The following CDHR2 variants were observed in gnomAD, a reference collection of about 807,000 sequenced individuals.
CDHR2 encodes the protein cadherin related family member 2.
Under a neutral mutation model 138.6 loss-of-function variants are expected in CDHR2, and 104 were observed. The ratio of observed to expected loss-of-function variants is 0.75; its 90% confidence interval spans 0.64 to 0.88. The LOEUF is 0.88. Among genes scored for constraint, CDHR2 ranks in the 40% least tolerant of loss-of-function variants. The pLI, the probability that CDHR2 is intolerant of heterozygous loss-of-function variation, is 0.00. For missense variants in CDHR2, 1,624 were observed against 1,727.6 expected (o/e 0.94, Z 1.06); for synonymous variants, 755 against 742.8 (o/e 1.02, Z -0.27).
intron 16 of CDHR2, 56 bp downstream of exon 16, chr5:176,578,664 C>A: frequency 6.3e-7 from 1 of 1,593,574 alleles, no homozygotes; most frequent in South Asian, 1.1e-5. Context: ...CAAGCCTGCT[C>A]TGTGGGCATG....
chr5:176,595,856 G>T, downstream of CDHR2: 1 of 555,424 alleles, frequency 1.8e-6, no homozygotes, highest in Non-Finnish European at 2.9e-6. Flanking sequence ...GCCAAAAACT[G>T]CGGCTGGAGG....
Position 176,568,817 on chromosome 5 carries a change from G to C in CDHR2, c.264G>C (p.Glu88Asp). The stretch of plus-strand genomic sequence containing the variant: ...AGCTGGCCAGCGCTCTGGACTACGA[G>C]GTAAAGAGCATCAGCCGGAGAGGGC... ...EVKLASALDYETLYTFKVTIS... is the reference protein window; with the variant it reads ...EVKLASALDYDTLYTFKVTIS... The change falls in exon 4 of 32, where the codon GAG becomes GAC. Residue 88 changes from glutamate (E) to aspartate (D), a missense_variant and splice_region_variant. Physicochemically the swap from Glu to Asp is conservative, Grantham distance 45. Around this residue, in one of 3 missense-constraint regions of CDHR2, gnomAD observed 1,061 missense variants for 1,136.6 expected, o/e 0.93. Coordinates refer to ENST00000261944, the MANE Select transcript of CDHR2 (RefSeq NM_017675.6). The C allele has an allele frequency of 2.5e-6, 4 of 1,614,116 alleles. No individual in the cohort carries two copies. Among genetic ancestry groups the C allele is most frequent in the Non-Finnish European group, 3.4e-6 (4 of 1,179,992 alleles).
chr5:176,567,604 G>C (rs1758114308), intron 3 of CDHR2, among the ~76,000 whole-genome samples: 1 of 152,092 alleles, frequency 6.6e-6, no homozygotes, highest in Admixed American at 6.5e-5. Flanking sequence ...CAATTCTCCT[G>C]CCTCAGCCTC....
rs1258944625 is a variant in CDHR2, at chr5:176,553,362, C to T, written c.-16+3948C>T. 6.6e-6 allele frequency among the ~76,000 whole-genome samples: 1 copy of T among 152,168 alleles called. No homozygotes were observed. Among genetic ancestry groups the T allele is most frequent in the Non-Finnish European group, 1.5e-5 (1 of 68,034 alleles). ...AATGGTAATGGGGGCAAAGTGCTAG[C>T]CTCGGTACACGGCCCTTCCTTGCCA... On this transcript the variant is annotated intron_variant, in intron 1 of 31. Transcript: ENST00000261944. This position sits in a 1 kb window ranked among gnomAD's most constrained non-coding sequence, Gnocchi z 4.3.
In CDHR2 at chr5:176,543,388, G is replaced by A. The variant is rs1561860952; in HGVS notation, c.-16+619G>A. ...GGCCCCTCTCCGGCCCGGTGCAGGG[G>A]AACCGTCCGCGGACCTCACCACCCG... On this transcript the variant is annotated intron_variant, in intron 1 of 31. Transcript: ENST00000510636. This position sits in a 1 kb window ranked among gnomAD's most constrained non-coding sequence, Gnocchi z 4.0. Among the ~76,000 whole-genome samples the A allele has an allele frequency of 6.6e-6, 1 of 150,576 alleles. No homozygotes were observed. The highest frequency in any genetic ancestry group is 1.5e-5 in the Non-Finnish European group (1 of 67,428).
At position 176,568,815 on chromosome 5, in the gene CDHR2, G is replaced by A. The variant is rs149280788; in HGVS notation, c.262G>A (p.Glu88Lys). 12 of 1,614,028 alleles carry A rather than the reference G, an allele frequency of 7.4e-6. No homozygotes were observed. Among genetic ancestry groups the A allele is most frequent in the Admixed American group, 3.3e-5 (2 of 60,000 alleles). Reference sequence around the variant, plus strand: ...GAAGCTGGCCAGCGCTCTGGACTACGAGGTAAAGAGCATCAGCCGGAGAGG... The same window carrying A: ...GAAGCTGGCCAGCGCTCTGGACTACAAGGTAAAGAGCATCAGCCGGAGAGG... ...EVKLASALDY[E>K]TLYTFKVTIS... is the part of the protein sequence containing the mutation. Residue 88 changes from glutamate (E) to lysine (K), a missense_variant and splice_region_variant, in exon 4 of 32, where the codon GAG becomes AAG. By Grantham distance (56) the Glu-to-Lys change is moderately conservative (BLOSUM62 1). Around this residue, in one of 3 missense-constraint regions of CDHR2, gnomAD observed 1,061 missense variants for 1,136.6 expected, o/e 0.93. Transcript: ENST00000261944.
chr5:176,584,091 G>C (rs925512183), intron 17 of CDHR2, 99 bp from the exon 18 acceptor site: 3 of 986,638 alleles, frequency 3.0e-6, no homozygotes, highest in Non-Finnish European at 4.8e-6. Flanking sequence ...GGCACTAGTA[G>C]AGTCCATGCC....
In CDHR2 at chr5:176,571,203, T is replaced by C; in HGVS notation, c.316-10T>C. ...ATTTTCTGGGGTCCCCTGGGCTTTC[T>C]CACTTGCAGGTGCAGAGGGAGATGC... On this transcript the variant is annotated splice_polypyrimidine_tract_variant and intron_variant, in intron 5 of 31. Coordinates refer to ENST00000261944, the MANE Select transcript of CDHR2 (RefSeq NM_017675.6). 1 of 1,606,250 alleles carries C rather than the reference T, an allele frequency of 6.2e-7. No homozygotes were observed.
chr5:176,595,689 T>C lies in CDHR2; in HGVS notation c.*17T>C. ...GACCTGTGACAGGGGCCCCCACTCT[T>C]CTGGACCCCTTGAAGAGGCCCTACC... On this transcript the variant is annotated 3_prime_UTR_variant, in exon 32 of 32. Coordinates refer to ENST00000261944, the MANE Select transcript of CDHR2 (RefSeq NM_017675.6). The C allele has an allele frequency of 6.4e-7, 1 of 1,554,424 alleles. No homozygotes were observed. Among genetic ancestry groups the C allele is most frequent in the Non-Finnish European group, 8.7e-7 (1 of 1,148,348 alleles).
At chr5:176,565,075 C>G (rs1042426797) in intron 1 of CDHR2, among the ~76,000 whole-genome samples, 17 of 152,166 alleles carry the variant, frequency 1.1e-4, no homozygotes, top group African/African-American at 4.1e-4. Flanking sequence ...AGCTGCACAT[C>G]TAGTGCCTTG....
Position 176,581,473 on chromosome 5 carries a change from G to C in CDHR2, c.1949G>C (p.Arg650Thr), listed in dbSNP as rs374378394. ...CTCAGAAACCTGGGGCCCCTGGACA[G>C]AGAGGCCATCGACCCCGCCCTGGAG... ...GLLRNLGPLD[R>T]EAIDPALEGR... Residue 650 changes from arginine (R) to threonine (T), a missense_variant, in exon 17 of 32, where the codon AGA (arginine) becomes ACA (threonine). Arg to Thr is a moderately conservative substitution (Grantham distance 71). Around this residue, in one of 3 missense-constraint regions of CDHR2, gnomAD observed 1,061 missense variants for 1,136.6 expected, o/e 0.93. Transcript: ENST00000261944. The C allele has an allele frequency of 6.2e-7, 1 of 1,614,158 alleles. No homozygotes were observed. The highest frequency in any genetic ancestry group is 8.5e-7 in the Non-Finnish European group (1 of 1,180,034).
chr5:176,556,305 G>A (rs1364001269), intron 1 of CDHR2, among the ~76,000 whole-genome samples: 1 of 152,170 alleles, frequency 6.6e-6, no homozygotes, highest in Non-Finnish European at 1.5e-5. Flanking sequence ...GGAGTCTGAG[G>A]CTGCCCTGAG....
Position 176,551,801 on chromosome 5 carries a change from A to G in CDHR2, c.-16+2387A>G, listed in dbSNP as rs1021723580. 7.6e-5 allele frequency among the ~76,000 whole-genome samples: 11 copies of G among 144,858 alleles called. 1 individual carries two copies. The highest frequency in any genetic ancestry group is 1.6e-4 in the Non-Finnish European group (11 of 67,250). On this transcript the variant is annotated intron_variant, in intron 1 of 31. Coordinates refer to ENST00000261944, the MANE Select transcript of CDHR2 (RefSeq NM_017675.6). ...ACTGCAAGCTCCGCTTCCCGGGTTC[A>G]CGCCATTCTCCTGCCTCAGCCTTCC...
Position 176,576,350 on chromosome 5 carries a change from G to A in CDHR2, c.1194+165G>A, listed in dbSNP as rs1003857318. 6.6e-6 allele frequency among the ~76,000 whole-genome samples: 1 copy of A among 152,142 alleles called. No homozygotes were observed. Among genetic ancestry groups the A allele is most frequent in the African/African-American group, 2.4e-5 (1 of 41,422 alleles). ...GCTCTCTGGAAGCCTGTGTTGGTAA[G>A]CAGTATCATCCTCTGGGCGATCCGT... is the stretch of plus-strand genomic sequence containing the variant. On this transcript the variant is annotated intron_variant, in intron 12 of 31. Coordinates refer to ENST00000261944, the MANE Select transcript of CDHR2 (RefSeq NM_017675.6). The surrounding 1 kb of genome is among the most constrained non-coding windows in gnomAD (Gnocchi z 4.5).
chr5:176,586,258 C>T (rs768490538), intron 20 of CDHR2, among the ~76,000 whole-genome samples: 78 of 152,290 alleles, frequency 5.1e-4, no homozygotes, highest in African/African-American at 1.6e-3. Flanking sequence ...CGCAATGGTA[C>T]GATCTCAGCT....
Position 176,571,263 on chromosome 5 carries a change from C to T in CDHR2, c.366C>T (p.Pro122=), listed in dbSNP as rs200376829. The T allele has an allele frequency of 4.8e-4, 779 of 1,611,988 alleles. 2 individuals carry two copies. The highest frequency in any genetic ancestry group is 3.9e-4 in the South Asian group (35 of 90,896). ...VIVEDRNDNA[P]VFQNTAFSTS... is the part of the protein sequence containing the mutation. ...TGGAAGATAGAAACGACAACGCACC[C>T]GTTTTCCAGAACACCGCTTTCTCCA... The change falls in exon 6 of 32, where the codon CCC becomes CCT. Residue 122 remains proline (P), a synonymous_variant. Transcript: ENST00000261944.
At chr5:176,580,144 A>G (rs1758493329) in intron 16 of CDHR2, among the ~76,000 whole-genome samples, 1 of 151,524 alleles carries the variant, frequency 6.6e-6, no homozygotes. Context: ...TCACACACGC[A>G]CTCACACACA....
chr5:176,559,573 TTC>T (rs1225598095), intron 1 of CDHR2, among the ~76,000 whole-genome samples: 1 of 152,236 alleles, frequency 6.6e-6, no homozygotes, highest in Non-Finnish European at 1.5e-5. Flanking sequence ...CCTGTTTTCC[TTC>T]TCTGTTTCTC....
chr5:176,592,068 G>A (rs1581152664), intron 30 of CDHR2, among the ~76,000 whole-genome samples: 1 of 147,116 alleles, frequency 6.8e-6, no homozygotes, highest in Admixed American at 6.8e-5. Flanking sequence ...TCATGGTAGT[G>A]GTGGCAGTTA....
Sources: gnomAD v4.1 joint callset for allele counts (sites outside exome capture counted in the v4.1 genomes callset) on GRCh38, gnomAD v4.1.1 for gene constraint, gnomAD v4.1.1 regional missense constraint, Gnocchi (gnomAD v3.1) non-coding constraint, MANE v1.5 for transcripts, NCBI Gene and HGNC (gene_info 2026-07-23, HGNC 2026-07-21) for gene names.